The following EPHA6 variants were observed in gnomAD, a reference collection of about 807,000 sequenced individuals.
The protein encoded by EPHA6 is EPH receptor A6.
EPHA6 carries 50 observed loss-of-function variants against 112.0 expected under a neutral mutation model. The observed-to-expected ratio is 0.45, with a 90% CI of 0.36 to 0.56. The LOEUF (loss-of-function observed/expected upper bound fraction) is 0.56. Among genes scored for constraint, EPHA6 ranks in the 20% least tolerant of loss-of-function variants. The probability of loss-of-function intolerance (pLI) is 0.00; values close to 1 mark genes in which losing one functional copy is unlikely to be tolerated. For synonymous variants in EPHA6, 529 were observed against 490.7 expected (o/e 1.08, Z -1.03); for missense variants, 1,280 against 1,417.4 (o/e 0.90, Z 1.56).
At chr3:97,747,604 GA>G in intron 17 of EPHA6, 32 bp downstream of exon 17, 5 of 1,547,102 alleles carry the variant, frequency 3.2e-6, no homozygotes, top group Non-Finnish European at 4.4e-6. Flanking sequence ...ACTGTAACGA[GA>G]TGTCCTGCTG....
At chr3:96,927,553 C>A (rs1346609208) in intron 2 of EPHA6, among the ~76,000 whole-genome samples, 1 of 152,150 alleles carries the variant, frequency 6.6e-6, no homozygotes, top group Non-Finnish European at 1.5e-5. Context: ...AGGGTGGGGG[C>A]AAAATGCTGC....
intron 13 of EPHA6, among the ~76,000 whole-genome samples, chr3:97,620,004 C>G (rs1368302861): frequency 5.3e-5 from 8 of 151,892 alleles, no homozygotes; most frequent in African/African-American, 1.9e-4. Context: ...TCATGCTACT[C>G]AACTTCAAAC....
chr3:97,180,387 C>G (rs142244568), intron 3 of EPHA6, among the ~76,000 whole-genome samples: 1 of 152,068 alleles, frequency 6.6e-6, no homozygotes, highest in African/African-American at 2.4e-5. Context: ...CTGCCATGGT[C>G]ATGCTGGTAC....
chr3:97,464,066 C>T (rs1432938056), intron 7 of EPHA6, among the ~76,000 whole-genome samples: 5 of 152,124 alleles, frequency 3.3e-5, no homozygotes, highest in Admixed American at 3.3e-4. Flanking sequence ...GCTCTAAAGA[C>T]TAGTTTTACC....
intron 3 of EPHA6, among the ~76,000 whole-genome samples, chr3:97,218,624 A>T (rs192274645): frequency 7.2e-5 from 11 of 152,168 alleles, no homozygotes; most frequent in African/African-American, 2.2e-4. Flanking sequence ...CCCTTGACAC[A>T]TAGGGATTAT....
intron 2 of EPHA6, among the ~76,000 whole-genome samples, chr3:96,882,063 G>A (rs1293325143): frequency 1.3e-5 from 2 of 152,172 alleles, no homozygotes; most frequent in African/African-American, 4.8e-5. Flanking sequence ...CAGGTGTATG[G>A]TCTTTCTACT....
intron 1 of EPHA6, among the ~76,000 whole-genome samples, chr3:96,819,930 C>T (rs1287354605): frequency 1.3e-5 from 2 of 152,022 alleles, no homozygotes; most frequent in Non-Finnish European, 2.9e-5. Flanking sequence ...GCAACAAAGA[C>T]ACTGAGAAAG....
At chr3:97,431,915 A>T (rs2107236242) in intron 6 of EPHA6, among the ~76,000 whole-genome samples, 1 of 152,218 alleles carries the variant, frequency 6.6e-6, no homozygotes, top group Non-Finnish European at 1.5e-5. Context: ...AAAACATGCA[A>T]TAATCAATGA....
chr3:97,568,036 G>T (rs527286098), intron 11 of EPHA6, among the ~76,000 whole-genome samples: 1 of 152,120 alleles, frequency 6.6e-6, no homozygotes, highest in African/African-American at 2.4e-5. Context: ...ATCATTTGGG[G>T]TGTATAATCT....
chr3:96,968,297 C>T (rs1457141322), intron 2 of EPHA6, among the ~76,000 whole-genome samples: 1 of 151,178 alleles, frequency 6.6e-6, no homozygotes, highest in East Asian at 1.9e-4. Context: ...GTTTGACCAC[C>T]TAGGAAATGT....
At chr3:97,467,008 G>C (rs1400930032) in intron 7 of EPHA6, among the ~76,000 whole-genome samples, 1 of 151,630 alleles carries the variant, frequency 6.6e-6, no homozygotes, top group Non-Finnish European at 1.5e-5. Flanking sequence ...TTTTTCGGTG[G>C]AGAATACCAC....
chr3:97,397,104 A>G (rs1217796970), intron 5 of EPHA6, among the ~76,000 whole-genome samples: 4 of 151,792 alleles, frequency 2.6e-5, no homozygotes, highest in Non-Finnish European at 5.9e-5. Flanking sequence ...TATATCAGCA[A>G]TAAAATTCTG....
At chr3:97,159,285 C>A (rs771768887) in intron 3 of EPHA6, among the ~76,000 whole-genome samples, 6 of 152,118 alleles carry the variant, frequency 3.9e-5, no homozygotes, top group Non-Finnish European at 7.4e-5. Flanking sequence ...CAGTAACTCA[C>A]TTATTTTTTG....
intron 3 of EPHA6, among the ~76,000 whole-genome samples, chr3:97,175,422 AT>A (rs2076810077): frequency 6.6e-6 from 1 of 151,562 alleles, no homozygotes; most frequent in Non-Finnish European, 1.5e-5. Flanking sequence ...TACTTTTTCT[AT>A]ATCTGAAGGT....
rs1195869506 is a variant in EPHA6 at position 97,426,949 on chromosome 3, C to T, written c.1732-21619C>T. On this transcript the variant is annotated intron_variant, in intron 6 of 17. Coordinates refer to ENST00000389672, the MANE Select transcript of EPHA6 (RefSeq NM_001080448.3). ...AAAATTATATAAAATAAGTCATCAT[C>T]ACTAATCTTTGGGAGAAATGCAAAT... 8.5e-5 allele frequency among the ~76,000 whole-genome samples: 13 copies of T among 152,114 alleles called. No homozygotes were observed. The East Asian group carries it at 2.3e-3, about 27-fold the overall frequency.
intron 2 of EPHA6, among the ~76,000 whole-genome samples, chr3:96,893,554 C>A (rs1051031460): frequency 6.6e-6 from 1 of 152,142 alleles, no homozygotes; most frequent in African/African-American, 2.4e-5. Context: ...TTATTGCACA[C>A]CAGTCAGGCG....
intron 10 of EPHA6, among the ~76,000 whole-genome samples, chr3:97,515,932 A>T (rs183753245): frequency 6.6e-6 from 1 of 151,672 alleles, no homozygotes; most frequent in Non-Finnish European, 1.5e-5. Context: ...CCACTGTATG[A>T]TAAGAAAGTT....
chr3:97,641,432 G>A (rs1430579106), intron 14 of EPHA6, among the ~76,000 whole-genome samples: 1 of 152,178 alleles, frequency 6.6e-6, no homozygotes. Flanking sequence ...AAGGGTGGGG[G>A]AGGAGCCAAG....
At chr3:97,469,233 G>A (rs920146662) in intron 7 of EPHA6, among the ~76,000 whole-genome samples, 15 of 151,638 alleles carry the variant, frequency 9.9e-5, no homozygotes, top group African/African-American at 3.6e-4. Context: ...GGAATCTTGT[G>A]TCAGATTTTC....
Sources: gnomAD v4.1 joint callset for allele counts (sites outside exome capture counted in the v4.1 genomes callset) on GRCh38, gnomAD v4.1.1 for gene constraint, MANE v1.5 for transcripts, NCBI Gene and HGNC (gene_info 2026-07-23, HGNC 2026-07-21) for gene names.